Variants in COL6A5 observed in about 807,000 individuals in gnomAD.
The protein encoded by COL6A5 is collagen alpha-5(VI) chain.
In COL6A5, 48 loss-of-function variants were observed where a neutral mutation model predicts 65.6. The observed-to-expected ratio is 0.73, with a 90% CI of 0.58 to 0.93. The LOEUF (loss-of-function observed/expected upper bound fraction) is 0.93, where lower values mean the gene tolerates loss of function less well. COL6A5 is among the 40% of genes least tolerant of loss of function. The pLI is 0.00. For missense variants in COL6A5, 914 were observed against 928.3 expected, an observed-to-expected ratio of 0.98 and a Z score of 0.20; for synonymous variants, 291 against 322.8, an observed-to-expected ratio of 0.90 and a Z score of 1.05.
chr3:130,418,770 T>C (rs1164826861), intron 24 of COL6A5, 99 bp from the exon 25 acceptor site: 2 of 913,046 alleles, frequency 2.2e-6, no homozygotes, highest in African/African-American at 1.6e-5. Context: ...GACCCCTCAC[T>C]GAGAACCTTG....
At chr3:130,384,861 T>G in exon 5 of COL6A5, 1 of 1,550,672 alleles carries the variant, frequency 6.4e-7, no homozygotes, top group Non-Finnish European at 8.7e-7. Flanking sequence ...TCAAGCAGCA[T>G]CCAGGAGAAA....
chr3:130,401,252 A>G (rs560346485), intron 11 of COL6A5, 79 bp downstream of exon 11: 55 of 1,308,246 alleles, frequency 4.2e-5, no homozygotes, highest in Non-Finnish European at 5.2e-5. Context: ...ACTTTCAAAG[A>G]CTGCCTTTGT....
rs180717323 is a variant in COL6A5 at position 130,484,219 on chromosome 3, G to A, written c.*178G>A. 50 of 617,920 alleles carry A rather than the reference G, an allele frequency of 8.1e-5. No individual in the cohort carries two copies. The Admixed American group carries it at 1.5e-3, about 19-fold the overall frequency. The allele number at this position is 617,920 out of a possible 1,614,324, so 38.3% of individuals were successfully genotyped here. On this transcript the variant is annotated 3_prime_UTR_variant, in exon 8 of 8. Coordinates refer to ENST00000512836, the Ensembl canonical transcript of COL6A5. ...TTTGTTCTCCATCTCAAATCTTGAGGAGAAGAATTTTCGGAGTGAAGACAT... is the reference window on the plus strand; with the variant it reads ...TTTGTTCTCCATCTCAAATCTTGAGAAGAAGAATTTTCGGAGTGAAGACAT...
chr3:130,361,410 A>G (rs1365385303), intron 1 of COL6A5, among the ~76,000 whole-genome samples: 1 of 152,016 alleles, frequency 6.6e-6, no homozygotes, highest in Non-Finnish European at 1.5e-5. Context: ...TAATGGCTTG[A>G]TAGTATATTT....
chr3:130,382,687 T>A (rs1936039648), intron 4 of COL6A5, among the ~76,000 whole-genome samples: 1 of 152,106 alleles, frequency 6.6e-6, no homozygotes, highest in South Asian at 2.1e-4. Flanking sequence ...TTCAGAATGA[T>A]CAACGCTCAG....
intron 27 of COL6A5, among the ~76,000 whole-genome samples, 190 bp from the exon 28 acceptor site, chr3:130,422,528 AAT>A (rs1259774907): frequency 1.3e-5 from 2 of 151,976 alleles, no homozygotes; most frequent in Non-Finnish European, 2.9e-5. Context: ...AAAAATTAAA[AAT>A]AGTTTGAAGA....
chr3:130,409,365 G>A, exon 18 of COL6A5: 3 of 1,548,898 alleles, frequency 1.9e-6, no homozygotes, highest in African/African-American at 1.4e-5. Flanking sequence ...GCAGTATGGA[G>A]AGAAGGGCTT....
At chr3:130,476,276 C>T (rs1016289758) in intron 7 of COL6A5, among the ~76,000 whole-genome samples, 6 of 151,928 alleles carry the variant, frequency 3.9e-5, no homozygotes, top group Admixed American at 1.3e-4. Context: ...GTAACGGTTC[C>T]GTAAAATCAG....
Position 130,475,944 on chromosome 3 carries a change from ACT to A in COL6A5, c.2328+4980_2328+4981del, listed in dbSNP as rs151199550. ...AAAGAGGTTTAGTGCCTTGCCAGTG[ACT>A]CTGTTTTGGTAACTTCTGATTCAGT... On this transcript the variant is annotated intron_variant, in intron 7 of 7. Transcript: ENST00000512836. Among the ~76,000 whole-genome samples, 3 of 152,150 alleles carry A rather than the reference ACT, an allele frequency of 2.0e-5. No homozygotes were observed. The East Asian group carries it at 5.8e-4, about 29-fold the overall frequency.
At chr3:130,451,808 A>C (rs1709447748) in intron 4 of COL6A5, among the ~76,000 whole-genome samples, 1 of 152,078 alleles carries the variant, frequency 6.6e-6, no homozygotes. Context: ...CCAGAGAGGA[A>C]GGTTGAGGAA....
chr3:130,414,108 G>C, exon 22 of COL6A5: 1 of 1,550,794 alleles, frequency 6.4e-7, no homozygotes, highest in Non-Finnish European at 8.7e-7. Context: ...CACATTGGGA[G>C]CTGAAGGATT....
intron 5 of COL6A5, 28 bp downstream of exon 5, chr3:130,385,392 T>C (rs1383179765): frequency 3.3e-6 from 5 of 1,534,780 alleles, no homozygotes; most frequent in Non-Finnish European, 4.4e-6. Flanking sequence ...GGCTTTATTC[T>C]CCACATTTCA....
At chr3:130,397,671 C>G (rs1936649141) in exon 9 of COL6A5, 3 of 1,551,582 alleles carry the variant, frequency 1.9e-6, no homozygotes. Flanking sequence ...AGCTGGAATC[C>G]TACCTCCCAG....
chr3:130,388,695 A>G lies in COL6A5; in HGVS notation c.1977A>G (p.Gln659=), dbSNP rs1479811909. 9 of 1,551,224 alleles carry G rather than the reference A, an allele frequency of 5.8e-6. No individual in the cohort carries two copies. The African/African-American group carries it at 8.2e-5, about 14-fold the overall frequency. Residue 659 remains glutamine (Q), a synonymous_variant and NMD_transcript_variant, in exon 6 of 42, where the codon CAA becomes CAG. Transcript: ENST00000312481. ...TGAAAAACCTGTTAACTAAAATTCAAATTGGTGCAGACAAAACCCAGATTG... is the reference window on the plus strand; with the variant it reads ...TGAAAAACCTGTTAACTAAAATTCAGATTGGTGCAGACAAAACCCAGATTG...
intron 1 of COL6A5, among the ~76,000 whole-genome samples, chr3:130,350,259 A>G (rs781029100): frequency 7.9e-5 from 12 of 152,170 alleles, no homozygotes; most frequent in Non-Finnish European, 1.8e-4. Flanking sequence ...CAAGACAAGG[A>G]TACCCTCTCT....
chr3:130,447,205 C>T (rs1042892533), intron 4 of COL6A5, among the ~76,000 whole-genome samples: 6 of 152,138 alleles, frequency 3.9e-5, no homozygotes, highest in African/African-American at 1.4e-4. Flanking sequence ...ATGGGTCATG[C>T]CTTCCCCTGT....
intron 25 of COL6A5, among the ~76,000 whole-genome samples, chr3:130,419,199 C>A (rs1186594443): frequency 6.6e-6 from 1 of 152,028 alleles, no homozygotes; most frequent in Non-Finnish European, 1.5e-5. Context: ...CCTTAACAAC[C>A]AGCATGGCCA....
At chr3:130,384,884 A>T in exon 5 of COL6A5, 1 of 1,550,918 alleles carries the variant, frequency 6.4e-7, no homozygotes, top group Non-Finnish European at 8.7e-7. Context: ...GTTTGAGCAA[A>T]TCAAGAGATT....
chr3:130,443,731 C>T (rs563529098), intron 4 of COL6A5, among the ~76,000 whole-genome samples, 165 bp downstream of exon 36: 80 of 152,240 alleles, frequency 5.3e-4, no homozygotes, highest in African/African-American at 1.9e-3. Context: ...AGTATGATTT[C>T]CAATTTGTTT....
Sources: allele counts gnomAD v4.1 joint callset (sites outside exome capture counted in the v4.1 genomes callset), GRCh38; gene constraint gnomAD v4.1.1; transcripts MANE v1.5; gene names NCBI Gene and HGNC (gene_info 2026-07-23, HGNC 2026-07-21).